PXK: variants seen among roughly 807,000 people sequenced by gnomAD.
The protein encoded by PXK is PX domain-containing protein kinase-like protein.
In PXK, 35 loss-of-function variants were observed where a neutral mutation model predicts 84.7. That is an observed-to-expected ratio of 0.41 (90% CI 0.32 to 0.55). The LOEUF is 0.55. Ranked by LOEUF, PXK falls within the 20% of genes least tolerant of loss-of-function variation. PXK has a pLI of 0.21. For missense variants in PXK, 634 were observed against 699.7 expected, an observed-to-expected ratio of 0.91 and a Z score of 1.06; for synonymous variants, 253 against 260.8, an observed-to-expected ratio of 0.97 and a Z score of 0.29.
chr3:58,351,563 G>C (rs2097925896), intron 1 of PXK, among the ~76,000 whole-genome samples: 2 of 152,034 alleles, frequency 1.3e-5, no homozygotes, highest in African/African-American at 4.8e-5. Flanking sequence ...GCCTGGCCAG[G>C]ATTTCTTATT....
intron 4 of PXK, among the ~76,000 whole-genome samples, chr3:58,389,891 C>G (rs1560031930): frequency 6.8e-6 from 1 of 148,044 alleles, no homozygotes; most frequent in Admixed American, 7.0e-5. Flanking sequence ...CCTAACTACT[C>G]AGGAGGCTGA....
intron 17 of PXK, among the ~76,000 whole-genome samples, chr3:58,424,057 C>T (rs1350730794): frequency 6.6e-6 from 1 of 152,184 alleles, no homozygotes; most frequent in Non-Finnish European, 1.5e-5. Flanking sequence ...AAGGATTTCT[C>T]TGTAAGAATA....
intron 1 of PXK, among the ~76,000 whole-genome samples, chr3:58,363,378 T>G (rs2098220623): frequency 6.6e-6 from 1 of 152,234 alleles, no homozygotes; most frequent in Non-Finnish European, 1.5e-5. Flanking sequence ...TTGCCAAGGC[T>G]GGAGTGCGGG....
chr3:58,380,788 CAAAG>C (rs202027131), intron 3 of PXK, among the ~76,000 whole-genome samples: 3,228 of 151,766 alleles, frequency 0.021, 120 homozygotes, highest in African/African-American at 0.074. Context: ...GACTCTGTCT[CAAAG>C]TAAGTAAGTA....
At chr3:58,423,081 G>A in intron 17 of PXK, 1 of 985,394 alleles carries the variant, frequency 1.0e-6, no homozygotes, top group Non-Finnish European at 1.2e-6. Context: ...CCCACTTGGT[G>A]TTGCAGTCAA....
chr3:58,394,921 T>G (rs537717378), intron 7 of PXK, 77 bp from the exon 8 acceptor site: 1 of 1,095,466 alleles, frequency 9.1e-7, no homozygotes, highest in African/African-American at 1.5e-5. Context: ...TACTTGACTC[T>G]GCATAACCAG....
rs746062557 is a variant in PXK at position 58,390,644 on chromosome 3, C to G, written c.451C>G (p.Pro151Ala). The G allele has an allele frequency of 1.2e-6, 2 of 1,611,770 alleles. No individual in the cohort carries two copies. The highest frequency in any genetic ancestry group is 1.7e-6 in the Non-Finnish European group (2 of 1,178,690). ...AGAACCAAAGTGGGAGGTGGTGGAA[C>G]CTTTGAAAGACATAGGTGAGACATT... ...RSEPKWEVVE[P>A]LKDIGWRIRK... The change falls in exon 5 of 18, where the codon CCT (proline) becomes GCT (alanine). Residue 151 changes from proline to alanine, a missense_variant. Coordinates refer to ENST00000356151, the MANE Select transcript of PXK (RefSeq NM_017771.5). This position sits in a 1 kb window ranked among gnomAD's most constrained non-coding sequence, Gnocchi z 4.2.
chr3:58,342,854 G>A (rs1231767320), intron 1 of PXK, among the ~76,000 whole-genome samples: 4 of 152,140 alleles, frequency 2.6e-5, no homozygotes, highest in South Asian at 2.1e-4. Flanking sequence ...CTTGCCTGGC[G>A]CGTTTAAGTG....
intron 4 of PXK, among the ~76,000 whole-genome samples, chr3:58,387,936 G>C (rs1347466352): frequency 6.6e-6 from 1 of 152,146 alleles, no homozygotes; most frequent in Non-Finnish European, 1.5e-5. Flanking sequence ...AGAGTGCAGA[G>C]AGACCCCACA....
At chr3:58,351,395 T>TGTGTGTGTG (rs2097920196) in intron 1 of PXK, among the ~76,000 whole-genome samples, 4 of 140,582 alleles carry the variant, frequency 2.8e-5, no homozygotes, top group South Asian at 4.8e-4. Context: ...AGCTAGCTAT[T>TGTGTGTGTG]TGTGTGTGTG....
At chr3:58,373,252 G>C (rs1294351319) in intron 3 of PXK, among the ~76,000 whole-genome samples, 1 of 151,742 alleles carries the variant, frequency 6.6e-6, no homozygotes, top group African/African-American at 2.4e-5. Context: ...CTAATTTTTT[G>C]TATTTTAAGT....
At position 58,332,940 on chromosome 3, in the gene PXK, TC is replaced by T; in HGVS notation, c.-48del. The T allele has an allele frequency of 8.1e-7, 1 of 1,229,916 alleles. No homozygotes were observed. The highest frequency in any genetic ancestry group is 1.6e-5 in the African/African-American group (1 of 62,262). The allele number at this position is 1,229,916 out of a possible 1,614,324, so 76.2% of individuals were successfully genotyped here. ...CGGGCGGGCGGCGGGAGTCGGCGCC[TC>T]GGGTTCCTACCTCGCGTCCCTAGGC... is the stretch of plus-strand genomic sequence containing the variant. On this transcript the variant is annotated 5_prime_UTR_variant, in exon 1 of 18. Transcript: ENST00000356151. The surrounding 1 kb of genome is among the most constrained non-coding windows in gnomAD (Gnocchi z 5.6).
chr3:58,410,026 A>T, intron 15 of PXK, 64 bp from the exon 16 acceptor site: 1 of 1,035,844 alleles, frequency 9.7e-7, no homozygotes, highest in Non-Finnish European at 1.5e-6. Context: ...TCTAACTCCC[A>T]GCTTCACTGT....
At chr3:58,381,248 C>CAAAAAAAAAAAAAAAAAAACAAAA (rs34425100) in intron 3 of PXK, among the ~76,000 whole-genome samples, 1 of 97,490 alleles carries the variant, frequency 1.0e-5, no homozygotes, top group Non-Finnish European at 2.1e-5. Context: ...GACTCCGTCT[C>CAAAAAAAAAAAAAAAAAAACAAAA]AAAAAAAAAA....
chr3:58,334,422 T>C (rs979570920), intron 1 of PXK, among the ~76,000 whole-genome samples: 1 of 152,176 alleles, frequency 6.6e-6, no homozygotes, highest in African/African-American at 2.4e-5. Context: ...GGCATAAGGG[T>C]TGAAATTTAG....
chr3:58,396,846 C>T (rs1173467496), intron 9 of PXK, among the ~76,000 whole-genome samples, 193 bp from the exon 10 acceptor site: 1 of 152,204 alleles, frequency 6.6e-6, no homozygotes, highest in Non-Finnish European at 1.5e-5. Context: ...CATCTCACAG[C>T]CTCAAAACTG....
At chr3:58,422,797 G>A in intron 17 of PXK, 1 of 985,424 alleles carries the variant, frequency 1.0e-6, no homozygotes, top group Non-Finnish European at 1.2e-6. Flanking sequence ...TGGAGGGCTA[G>A]TCAGTCTCTA....
intron 17 of PXK, 62 bp from the exon 18 acceptor site, chr3:58,424,690 A>G: frequency 6.4e-7 from 1 of 1,567,474 alleles, no homozygotes; most frequent in Non-Finnish European, 8.7e-7. Context: ...AGGACTGAGC[A>G]GCAGCGTGTG....
intron 13 of PXK, 149 bp downstream of exon 13, chr3:58,404,059 A>T (rs767351471): frequency 1.3e-4 from 59 of 446,442 alleles, no homozygotes; most frequent in Admixed American, 1.6e-4. Flanking sequence ...CTAGTTTAAT[A>T]ATTTATGGTA....
Sources: gnomAD v4.1 joint callset for allele counts (sites outside exome capture counted in the v4.1 genomes callset) on GRCh38, gnomAD v4.1.1 for gene constraint, Gnocchi (gnomAD v3.1) non-coding constraint, MANE v1.5 for transcripts, NCBI Gene and HGNC (gene_info 2026-07-23, HGNC 2026-07-21) for gene names.